Variants in THSD7B observed in about 807,000 individuals in gnomAD.
The protein encoded by THSD7B is thrombospondin type-1 domain-containing protein 7B.
Under a neutral mutation model 213.6 loss-of-function variants are expected in THSD7B, and 138 were observed. The observed-to-expected ratio is 0.65, with a 90% CI of 0.56 to 0.74. The LOEUF (loss-of-function observed/expected upper bound fraction) is 0.74, where lower values mean the gene tolerates loss of function less well. Ranked by LOEUF, THSD7B falls within the 30% of genes least tolerant of loss-of-function variation. THSD7B has a pLI of 0.00. For synonymous variants in THSD7B, 742 were observed against 687.0 expected, an observed-to-expected ratio of 1.08 and a Z score of -1.25; for missense variants, 1,931 against 1,991.5, an observed-to-expected ratio of 0.97 and a Z score of 0.58.
At chr2:136,827,914 T>C (rs138078747) in intron 1 of THSD7B, among the ~76,000 whole-genome samples, 17 of 152,228 alleles carry the variant, frequency 1.1e-4, no homozygotes, top group Middle Eastern at 3.4e-3. Context: ...ATTTGCTCAT[T>C]CAGGGATAAT....
intron 3 of THSD7B, among the ~76,000 whole-genome samples, chr2:137,079,890 A>C (rs1313666505): frequency 6.6e-6 from 1 of 152,040 alleles, no homozygotes; most frequent in African/African-American, 2.4e-5. Flanking sequence ...CCCAGGTTGG[A>C]GTGCAGTGGC....
Position 137,231,239 on chromosome 2 carries a change from A to C in THSD7B, c.1915+4A>C, listed in dbSNP as rs749580249. ...ATCCTGGCACTGGCTGGGGAAGGTG[A>C]GTAACAGAAAAGGTTTTCACTTTGG... On this transcript the variant is annotated splice_donor_region_variant and intron_variant, in intron 8 of 27. Coordinates refer to ENST00000409968, the MANE Select transcript of THSD7B (RefSeq NM_001316349.2). The C allele has an allele frequency of 6.3e-7, 1 of 1,598,902 alleles. No homozygotes were observed. Among genetic ancestry groups the C allele is most frequent in the Non-Finnish European group, 8.5e-7 (1 of 1,171,696 alleles).
chr2:137,163,113 C>A (rs1279072808), intron 6 of THSD7B, among the ~76,000 whole-genome samples: 2 of 152,146 alleles, frequency 1.3e-5, no homozygotes, highest in East Asian at 1.9e-4. Flanking sequence ...TTCAGACCCC[C>A]TCCCTTGGCC....
chr2:137,212,852 A>G (rs7568335), intron 7 of THSD7B, among the ~76,000 whole-genome samples: 143,427 of 151,936 alleles, frequency 0.94, 67,783 homozygotes, highest in Middle Eastern at 0.98. Context: ...GGTAAGGAAC[A>G]AACCACAAAT....
chr2:137,005,568 G>C (rs1265662347), intron 2 of THSD7B, among the ~76,000 whole-genome samples: 1 of 152,166 alleles, frequency 6.6e-6, no homozygotes, highest in Non-Finnish European at 1.5e-5. Context: ...TTGTATACCT[G>C]TATTGTTGGC....
At chr2:136,800,813 A>AT (rs974913567) in intron 1 of THSD7B, among the ~76,000 whole-genome samples, 2 of 151,348 alleles carry the variant, frequency 1.3e-5, no homozygotes, top group South Asian at 2.1e-4. Context: ...TAACTTCTCA[A>AT]TTTTTTTTCT....
intron 12 of THSD7B, among the ~76,000 whole-genome samples, chr2:137,288,407 A>C (rs569592661): frequency 6.6e-6 from 1 of 152,280 alleles, no homozygotes; most frequent in East Asian, 1.9e-4. Context: ...TAGCAAGTAC[A>C]TAAAGTAACC....
rs114942155 is a variant in THSD7B at position 137,095,331 on chromosome 2, A to G, written c.1199+210A>G. On this transcript the variant is annotated intron_variant, in intron 4 of 27. Transcript: ENST00000409968. ...TAAGTCCTGTTTCTGTGACTTTCTA[A>G]TTATACAAATTTCTTCAAGTACTTA... Among the ~76,000 whole-genome samples, 311 of 152,216 alleles carry G rather than the reference A, an allele frequency of 2.0e-3. 3 individuals carry two copies. The highest frequency in any genetic ancestry group is 7.2e-3 in the African/African-American group (298 of 41,528).
Position 137,102,049 on chromosome 2 carries a change from A to G in THSD7B, c.1199+6928A>G, listed in dbSNP as rs1482418040. ...CAGCACTCAAGCTCTGCTAAGGGAC[A>G]GACTGTCTCCTCAAGTGGGTCCCTG... On this transcript the variant is annotated intron_variant, in intron 4 of 27. Coordinates refer to ENST00000409968, the MANE Select transcript of THSD7B (RefSeq NM_001316349.2). Among the ~76,000 whole-genome samples the G allele has an allele frequency of 4.6e-5, 7 of 152,238 alleles. No homozygotes were observed. The East Asian group carries it at 1.4e-3, about 29-fold the overall frequency.
At chr2:136,849,638 G>A (rs1023883325) in intron 1 of THSD7B, among the ~76,000 whole-genome samples, 1 of 152,050 alleles carries the variant, frequency 6.6e-6, no homozygotes, top group African/African-American at 2.4e-5. Flanking sequence ...GTGCATTATA[G>A]CAGTAAATAT....
chr2:137,273,515 A>G (rs1440387539), intron 11 of THSD7B, among the ~76,000 whole-genome samples: 5 of 152,130 alleles, frequency 3.3e-5, no homozygotes, highest in Non-Finnish European at 5.9e-5. Context: ...TTATCGGCAC[A>G]CTTATAAATG....
chr2:137,650,714 G>A (rs1049699858), intron 21 of THSD7B, among the ~76,000 whole-genome samples: 1 of 152,186 alleles, frequency 6.6e-6, no homozygotes, highest in African/African-American at 2.4e-5. Flanking sequence ...TGTTAGCTGT[G>A]AGTCTGTCAT....
rs1211402226 is a variant in THSD7B at position 137,400,620 on chromosome 2, T to C, written c.2501-4993T>C. Among the ~76,000 whole-genome samples, 5 of 152,218 alleles carry C rather than the reference T, an allele frequency of 3.3e-5. No homozygotes were observed. In the East Asian group the frequency reaches 7.7e-4, roughly 23 times the overall value. The stretch of plus-strand genomic sequence containing the variant: ...ACGCAATGAGGGATGGCAGTGGTCA[T>C]GAGAAGCTTTTCTTCTTCCTTATCA... On this transcript the variant is annotated intron_variant, in intron 12 of 27. Transcript: ENST00000409968.
intron 5 of THSD7B, among the ~76,000 whole-genome samples, chr2:137,134,000 A>G (rs893851850): frequency 2.6e-5 from 4 of 152,242 alleles, no homozygotes; most frequent in African/African-American, 7.2e-5. Context: ...GAACCTGGAA[A>G]TAACACAAAT....
chr2:136,833,840 G>A (rs564969606), intron 1 of THSD7B, among the ~76,000 whole-genome samples: 1 of 152,248 alleles, frequency 6.6e-6, no homozygotes, highest in South Asian at 2.1e-4. Context: ...TTTTTGAGAT[G>A]TGGATAATCA....
intron 12 of THSD7B, among the ~76,000 whole-genome samples, chr2:137,387,495 G>A (rs1340257169): frequency 1.3e-5 from 2 of 152,028 alleles, no homozygotes; most frequent in Admixed American, 1.3e-4. Context: ...TTAAATAAAT[G>A]AAATATAATT....
At chr2:137,202,913 G>T (rs1027716352) in intron 7 of THSD7B, among the ~76,000 whole-genome samples, 1 of 152,154 alleles carries the variant, frequency 6.6e-6, no homozygotes, top group Admixed American at 6.6e-5. Flanking sequence ...GATAACAGAT[G>T]TGTAGAGAGA....
chr2:136,810,340 G>A (rs534062082), intron 1 of THSD7B, among the ~76,000 whole-genome samples: 9 of 152,308 alleles, frequency 5.9e-5, no homozygotes, highest in African/African-American at 2.2e-4. Context: ...CTCTCCATGA[G>A]CAGATAGAAG....
chr2:137,528,179 T>C (rs1229523579), intron 15 of THSD7B, among the ~76,000 whole-genome samples: 1 of 152,124 alleles, frequency 6.6e-6, no homozygotes, highest in Admixed American at 6.6e-5. Context: ...TTGTTGTATT[T>C]CGTTGTGCCC....
Sources: gnomAD v4.1 joint callset for allele counts (sites outside exome capture counted in the v4.1 genomes callset) on GRCh38, gnomAD v4.1.1 for gene constraint, MANE v1.5 for transcripts, NCBI Gene and HGNC (gene_info 2026-07-23, HGNC 2026-07-21) for gene names.